Variants in NUP210L observed in about 807,000 individuals in gnomAD.
The protein encoded by NUP210L is nucleoporin 210 like.
Under a neutral mutation model 208.5 loss-of-function variants are expected in NUP210L, and 74 were observed. The ratio of observed to expected loss-of-function variants is 0.35; its 90% confidence interval spans 0.29 to 0.43. The LOEUF (loss-of-function observed/expected upper bound fraction) is 0.43. Ranked by LOEUF, NUP210L falls within the 20% of genes least tolerant of loss-of-function variation. The pLI, the probability that NUP210L is intolerant of heterozygous loss-of-function variation, is 1.00. For synonymous variants in NUP210L, 780 were observed against 816.9 expected (o/e 0.95, Z 0.77); for missense variants, 1,843 against 2,289.4 (o/e 0.81, Z 3.98).
chr1:154,122,036 C>T (rs1295832812), intron 10 of NUP210L, among the ~76,000 whole-genome samples: 1 of 152,002 alleles, frequency 6.6e-6, no homozygotes, highest in East Asian at 1.9e-4. Flanking sequence ...ATTTATAAAC[C>T]TCTAGCCAGA....
Position 153,992,944 on chromosome 1 carries a change from A to C in NUP210L, c.5567-9T>G. 1 of 1,609,868 alleles carries C rather than the reference A, an allele frequency of 6.2e-7. No homozygotes were observed. Among genetic ancestry groups the C allele is most frequent in the Non-Finnish European group, 8.5e-7 (1 of 1,178,126 alleles). ...TGTGGAGTTAAAAAAACCTAGAAGA[A>C]GAGGGAAAAGTTGAGTGAATTAAAC... On this transcript the variant is annotated splice_polypyrimidine_tract_variant and intron_variant, in intron 39 of 39. Coordinates refer to ENST00000368559, the Ensembl canonical transcript of NUP210L.
chr1:154,148,037 A>C (rs1659204312), intron 2 of NUP210L, among the ~76,000 whole-genome samples: 1 of 147,442 alleles, frequency 6.8e-6, no homozygotes, highest in Non-Finnish European at 1.5e-5. Flanking sequence ...AGGTGGGTGG[A>C]TCACTAGGTC....
chr1:154,089,568 A>G, exon 16 of NUP210L: 1 of 1,614,182 alleles, frequency 6.2e-7, no homozygotes. Context: ...GGACACCTGG[A>G]TGATTTCCAA....
intron 1 of NUP210L, among the ~76,000 whole-genome samples, chr1:154,154,520 C>T (rs1264844264): frequency 6.6e-6 from 1 of 152,152 alleles, no homozygotes; most frequent in Non-Finnish European, 1.5e-5. Context: ...CAACACAGGG[C>T]TTCCCTTTAC....
In NUP210L at chr1:154,031,012, T is replaced by G. The variant is rs1652183083; in HGVS notation, c.3697-958A>C. Among the ~76,000 whole-genome samples the G allele has an allele frequency of 2.6e-5, 4 of 152,180 alleles. No homozygotes were observed. In the South Asian group the frequency reaches 8.3e-4, roughly 31 times the overall value. On this transcript the variant is annotated intron_variant, in intron 27 of 39. Transcript: ENST00000368559. ...ATCCTCCTGCCTCAGTCTCCTAAAG[T>G]GTTGCAATTACAGGCGTGAGCCACT...
chr1:154,030,073 G>T lies in NUP210L; in HGVS notation c.3697-19C>A, dbSNP rs779788649. The T allele has an allele frequency of 2.7e-6, 4 of 1,485,904 alleles. No individual in the cohort carries two copies. Among genetic ancestry groups the T allele is most frequent in the Admixed American group, 4.9e-5 (2 of 40,680 alleles). The allele number at this position is 1,485,904 out of a possible 1,614,324, so 92.0% of individuals were successfully genotyped here. On this transcript the variant is annotated intron_variant, in intron 27 of 39. Transcript: ENST00000368559. ...GAAAAACCTAGACAGTGAAGGGATA[G>T]ATTAAGAAATATTCATCAATAAACA...
chr1:154,063,182 C>T (rs1253982082), intron 17 of NUP210L, among the ~76,000 whole-genome samples: 7 of 152,032 alleles, frequency 4.6e-5, no homozygotes, highest in South Asian at 2.1e-4. Context: ...TATAGAAGTA[C>T]GTACAGAGCA....
chr1:154,075,292 T>TATA (rs1654974661), intron 16 of NUP210L, among the ~76,000 whole-genome samples: 1 of 152,182 alleles, frequency 6.6e-6, no homozygotes, highest in Non-Finnish European at 1.5e-5. Flanking sequence ...AGCTCTCATA[T>TATA]ATATGTGAGA....
At chr1:154,100,240 C>CA (rs1465102727) in intron 13 of NUP210L, 97 bp from the exon 14 acceptor site, 2 of 1,130,946 alleles carry the variant, frequency 1.8e-6, no homozygotes, top group African/African-American at 1.5e-5. Context: ...GCTTGAGCTC[C>CA]GAAGTTTAAG....
chr1:154,024,120 G>A (rs1052324085), intron 30 of NUP210L, among the ~76,000 whole-genome samples: 5 of 152,184 alleles, frequency 3.3e-5, no homozygotes, highest in African/African-American at 1.2e-4. Flanking sequence ...GGAATGTGAA[G>A]AGAAGCTGGA....
At chr1:154,058,679 A>G in exon 21 of NUP210L, 2 of 1,613,584 alleles carry the variant, frequency 1.2e-6, no homozygotes, top group Non-Finnish European at 1.7e-6. Context: ...AAAATCCAGG[A>G]TGTAATGGAA....
intron 17 of NUP210L, among the ~76,000 whole-genome samples, chr1:154,068,297 G>A (rs541337040): frequency 6.6e-6 from 1 of 152,232 alleles, no homozygotes; most frequent in Admixed American, 6.5e-5. Flanking sequence ...ACAACCATCT[G>A]ATCTTTGACA....
intron 2 of NUP210L, among the ~76,000 whole-genome samples, chr1:154,145,751 T>C (rs1045950614): frequency 2.0e-5 from 3 of 152,200 alleles, no homozygotes; most frequent in Admixed American, 1.3e-4. Context: ...TATGAGCTCA[T>C]GTTTATTTTA....
chr1:154,145,325 G>A (rs1053358513), intron 2 of NUP210L, among the ~76,000 whole-genome samples: 4 of 149,960 alleles, frequency 2.7e-5, no homozygotes, highest in Non-Finnish European at 5.9e-5. Flanking sequence ...GGCTGAGGCA[G>A]GAGAATTGCT....
In NUP210L at chr1:154,058,710, G is replaced by A; in HGVS notation, c.2851-17C>T. The A allele has an allele frequency of 6.2e-7, 1 of 1,610,798 alleles. No homozygotes were observed. Among genetic ancestry groups the A allele is most frequent in the South Asian group, 1.1e-5 (1 of 90,460 alleles). The stretch of plus-strand genomic sequence containing the variant: ...TGGAACTAACTGGAAGTAAGAAGAT[G>A]GTAGCTGGATAAAGAAGCAAACATG... On this transcript the variant is annotated splice_polypyrimidine_tract_variant and intron_variant, in intron 20 of 39. Coordinates refer to ENST00000368559, the Ensembl canonical transcript of NUP210L.
intron 15 of NUP210L, 145 bp downstream of exon 15, chr1:154,094,789 GA>G: frequency 4.6e-6 from 3 of 658,366 alleles, no homozygotes; most frequent in Middle Eastern, 8.4e-4. Context: ...TAAGGTTTTA[GA>G]AAAAACAATC....
chr1:153,996,247 T>A (rs909711272), intron 37 of NUP210L, among the ~76,000 whole-genome samples: 1 of 151,916 alleles, frequency 6.6e-6, no homozygotes, highest in African/African-American at 2.4e-5. Context: ...AACCGAGATC[T>A]CTCCACTGCA....
intron 6 of NUP210L, among the ~76,000 whole-genome samples, chr1:154,137,846 C>G (rs1658628298): frequency 1.3e-5 from 2 of 152,208 alleles, no homozygotes; most frequent in South Asian, 4.1e-4. Context: ...CAAGCGAGAG[C>G]CACCATGCCT....
At chr1:154,142,559 C>T (rs1296953393) in intron 3 of NUP210L, among the ~76,000 whole-genome samples, 2 of 152,040 alleles carry the variant, frequency 1.3e-5, no homozygotes, top group East Asian at 3.8e-4. Context: ...TGATCTAGGG[C>T]CCATCAACAG....
Sources: gnomAD v4.1 joint callset for allele counts (sites outside exome capture counted in the v4.1 genomes callset) on GRCh38, gnomAD v4.1.1 for gene constraint, MANE v1.5 for transcripts, NCBI Gene and HGNC (gene_info 2026-07-23, HGNC 2026-07-21) for gene names.